The following PLCXD3 variants were observed in gnomAD, a reference collection of about 807,000 sequenced individuals.
PLCXD3 encodes PI-PLC X domain-containing protein 3.
In PLCXD3, 19 loss-of-function variants were observed where a neutral mutation model predicts 25.5. The ratio of observed to expected loss-of-function variants is 0.75; its 90% CI spans 0.52 to 1.09. PLCXD3 has a LOEUF of 1.09. Among genes scored for constraint, PLCXD3 ranks in the 50% least tolerant of loss-of-function variants. The pLI is 0.00. For synonymous variants in PLCXD3, 174 were observed against 137.6 expected, an observed-to-expected ratio of 1.26 and a Z score of -1.85; for missense variants, 411 against 388.1, an observed-to-expected ratio of 1.06 and a Z score of -0.50.
chr5:41,434,244 A>C lies in PLCXD3; in HGVS notation c.104-51710T>G, dbSNP rs112555399. Among the ~76,000 whole-genome samples the C allele has an allele frequency of 9.2e-5, 14 of 152,234 alleles. 3 individuals are homozygous for C. The highest frequency in any genetic ancestry group is 3.4e-4 in the African/African-American group (14 of 41,542). On this transcript the variant is annotated intron_variant, in intron 1 of 2. Transcript: ENST00000377801. ...ACCCTGGGTTTGACTTCTGCGTGTGATTTTGGCCAAGTCACTTGACCTCTC... is the reference window on the plus strand; with the variant it reads ...ACCCTGGGTTTGACTTCTGCGTGTGCTTTTGGCCAAGTCACTTGACCTCTC...
chr5:41,314,060 A>AT (rs1383620161), intron 2 of PLCXD3, among the ~76,000 whole-genome samples: 1 of 152,200 alleles, frequency 6.6e-6, no homozygotes, highest in Non-Finnish European at 1.5e-5. Flanking sequence ...ACATTTTTGC[A>AT]TTTGTATTCT....
chr5:41,365,776 T>C (rs191438665), intron 2 of PLCXD3, among the ~76,000 whole-genome samples: 77 of 152,130 alleles, frequency 5.1e-4, no homozygotes, highest in African/African-American at 1.8e-3. Flanking sequence ...TTTTTTAGTA[T>C]TGTATCTGCT....
intron 2 of PLCXD3, among the ~76,000 whole-genome samples, chr5:41,346,124 G>A (rs537128384): frequency 4.6e-5 from 7 of 152,136 alleles, no homozygotes; most frequent in African/African-American, 9.6e-5. Context: ...CAGGTGATCC[G>A]CCCGCCTCGG....
intron 2 of PLCXD3, among the ~76,000 whole-genome samples, chr5:41,333,776 T>C (rs1192921777): frequency 1.3e-5 from 2 of 152,204 alleles, no homozygotes; most frequent in Admixed American, 1.3e-4. Context: ...AGTCTTACTA[T>C]GTCCTTCATT....
At chr5:41,489,372 C>T (rs1748598429) in intron 1 of PLCXD3, among the ~76,000 whole-genome samples, 1 of 152,004 alleles carries the variant, frequency 6.6e-6, no homozygotes, top group Non-Finnish European at 1.5e-5. Context: ...GTGATGCCTC[C>T]AGCTTTGTTC....
chr5:41,316,539 G>A (rs1023099687), intron 2 of PLCXD3, among the ~76,000 whole-genome samples: 2 of 152,198 alleles, frequency 1.3e-5, no homozygotes, highest in Non-Finnish European at 2.9e-5. Context: ...GGTTGCTAGA[G>A]CACCAAGCAG....
intron 1 of PLCXD3, among the ~76,000 whole-genome samples, chr5:41,433,880 T>C (rs1747174069): frequency 6.6e-6 from 1 of 152,188 alleles, no homozygotes; most frequent in Non-Finnish European, 1.5e-5. Flanking sequence ...TGATATGATT[T>C]TTCCCCCTCC....
At chr5:41,440,923 AGAT>A (rs1747370900) in intron 1 of PLCXD3, among the ~76,000 whole-genome samples, 1 of 152,184 alleles carries the variant, frequency 6.6e-6, no homozygotes, top group African/African-American at 2.4e-5. Context: ...TAGAACCATG[AGAT>A]CAGGCTATCA....
chr5:41,443,157 C>T (rs1041655014), intron 1 of PLCXD3, among the ~76,000 whole-genome samples: 4 of 150,846 alleles, frequency 2.7e-5, no homozygotes, highest in African/African-American at 9.7e-5. Flanking sequence ...TACACAACAA[C>T]GATTCCATCA....
chr5:41,495,219 G>T (rs752070547), intron 1 of PLCXD3, among the ~76,000 whole-genome samples: 1 of 152,216 alleles, frequency 6.6e-6, no homozygotes, highest in Non-Finnish European at 1.5e-5. Context: ...TAGACTGCAC[G>T]TCCAACATTC....
At chr5:41,332,970 G>A (rs1354968389) in intron 2 of PLCXD3, among the ~76,000 whole-genome samples, 1 of 152,132 alleles carries the variant, frequency 6.6e-6, no homozygotes, top group African/African-American at 2.4e-5. Context: ...GGGAGGGATA[G>A]CTTTAGGAGA....
intron 1 of PLCXD3, among the ~76,000 whole-genome samples, chr5:41,387,174 A>G (rs1745662779): frequency 6.6e-6 from 1 of 152,074 alleles, no homozygotes; most frequent in African/African-American, 2.4e-5. Context: ...TATAGTGACT[A>G]AGTAGCCTCT....
chr5:41,485,531 T>A lies in PLCXD3; in HGVS notation c.103+24893A>T, dbSNP rs139451544. ...GCGGTGGCTTCCAGAACCTTCAGAG[T>A]TATGACCTGGTAGTGTCCTCCTGCA... On this transcript the variant is annotated intron_variant, in intron 1 of 2. Transcript: ENST00000377801. 6.6e-5 allele frequency among the ~76,000 whole-genome samples: 10 copies of A among 152,196 alleles called. No homozygotes were observed. The East Asian group carries it at 1.9e-3, about 29-fold the overall frequency.
chr5:41,403,398 G>GATTTTTTTGTTTGTTTGTTTTGTTT (rs1746247547), intron 1 of PLCXD3, among the ~76,000 whole-genome samples: 1 of 33,990 alleles, frequency 2.9e-5, no homozygotes, highest in Admixed American at 2.8e-4. Flanking sequence ...TGACTTATTT[G>GATTTTTTTGTTTGTTTGTTTTGTTT]TTGTTTTTTT....
At chr5:41,397,259 G>T (rs1218987480) in intron 1 of PLCXD3, among the ~76,000 whole-genome samples, 1 of 152,180 alleles carries the variant, frequency 6.6e-6, no homozygotes, top group East Asian at 1.9e-4. Flanking sequence ...TTGCTGCTCT[G>T]TGTAGTATTG....
intron 1 of PLCXD3, among the ~76,000 whole-genome samples, chr5:41,419,794 T>C (rs1420824729): frequency 1.3e-5 from 2 of 152,202 alleles, no homozygotes; most frequent in Non-Finnish European, 2.9e-5. Context: ...GAAAAGACCA[T>C]AGACCAACCT....
chr5:41,477,508 C>A (rs1298334936), intron 1 of PLCXD3, among the ~76,000 whole-genome samples: 1 of 151,976 alleles, frequency 6.6e-6, no homozygotes, highest in Non-Finnish European at 1.5e-5. Context: ...GCCTGGGTTC[C>A]ATTTAAAGAG....
intron 1 of PLCXD3, among the ~76,000 whole-genome samples, chr5:41,421,518 GGT>G (rs1172100807): frequency 6.6e-6 from 1 of 152,054 alleles, no homozygotes; most frequent in Non-Finnish European, 1.5e-5. Context: ...TGGCTAACAC[GGT>G]GAAACCCCGT....
At chr5:41,510,195 A>G (rs1394939188) in intron 1 of PLCXD3, among the ~76,000 whole-genome samples, 1 of 152,172 alleles carries the variant, frequency 6.6e-6, no homozygotes, top group South Asian at 2.1e-4. Context: ...TCAAAAGCCC[A>G]GGAGAAAAGC....
Sources: allele counts gnomAD v4.1 joint callset (sites outside exome capture counted in the v4.1 genomes callset), GRCh38; gene constraint gnomAD v4.1.1; transcripts MANE v1.5; gene names NCBI Gene and HGNC (gene_info 2026-07-23, HGNC 2026-07-21).